Variants in LINGO2 observed in about 807,000 individuals in gnomAD.
The protein encoded by LINGO2 is leucine rich repeat and Ig domain containing 2.
A neutral mutation model predicts 30.6 loss-of-function variants in LINGO2; 14 were observed. The ratio of observed to expected loss-of-function variants is 0.46; its 90% CI spans 0.30 to 0.72. The LOEUF (loss-of-function observed/expected upper bound fraction) is 0.72, where lower values mean the gene tolerates loss of function less well. Among genes scored for constraint, LINGO2 ranks in the 30% least tolerant of loss-of-function variants. The pLI, the probability that LINGO2 is intolerant of heterozygous loss-of-function variation, is 0.07. For synonymous variants in LINGO2, 317 were observed against 288.5 expected, an observed-to-expected ratio of 1.10 and a Z score of -1.00; for missense variants, 729 against 751.7, an observed-to-expected ratio of 0.97 and a Z score of 0.35.
the LINGO2 span, among the ~76,000 whole-genome samples, chr9:28,897,943 G>A: frequency 4.1e-4 from 62 of 152,154 alleles, no homozygotes; most frequent in South Asian, 0.012. Context: ...TGGATCCAAT[G>A]TTAGTATCTT....
rs374102685 is a variant in LINGO2, at chr9:28,557,931, G to A, written c.-364-81906C>T. 5.4e-5 allele frequency among the ~76,000 whole-genome samples: 8 copies of A among 147,330 alleles called. No homozygotes were observed. The South Asian group carries it at 1.3e-3, about 24-fold the overall frequency. Reference sequence around the variant, plus strand: ...AAACACCACGTATTCTCACTCATATGTGGGAATTGAACAATGAGATCACAT... The same window carrying A: ...AAACACCACGTATTCTCACTCATATATGGGAATTGAACAATGAGATCACAT... On this transcript the variant is annotated intron_variant, in intron 1 of 5. Transcript: ENST00000379992.
intron 1 of LINGO2, among the ~76,000 whole-genome samples, chr9:28,510,394 ATGT>A (rs1454486974): frequency 1.3e-5 from 2 of 152,116 alleles, no homozygotes; most frequent in African/African-American, 2.4e-5. Context: ...CTAAAAAAGA[ATGT>A]TATTAAGAAA....
the LINGO2 span, among the ~76,000 whole-genome samples, chr9:28,816,671 G>A: frequency 1.3e-5 from 2 of 152,084 alleles, no homozygotes; most frequent in Admixed American, 1.3e-4. Flanking sequence ...CATAGGAGTT[G>A]CCTGGCAACT....
the LINGO2 span, among the ~76,000 whole-genome samples, chr9:28,984,497 A>G: frequency 2.0e-5 from 3 of 152,198 alleles, no homozygotes; most frequent in South Asian, 4.1e-4. Flanking sequence ...CAATTATTTG[A>G]ATCAGAGGGC....
intron 5 of LINGO2, among the ~76,000 whole-genome samples, chr9:27,971,545 G>A (rs1414035597): frequency 6.6e-6 from 1 of 151,982 alleles, no homozygotes; most frequent in African/African-American, 2.4e-5. Context: ...ACCACGCCTG[G>A]CTAATTTTTT....
chr9:28,687,156 C>G, the LINGO2 span, among the ~76,000 whole-genome samples: 1 of 152,034 alleles, frequency 6.6e-6, no homozygotes, highest in African/African-American at 2.4e-5. Flanking sequence ...ATAGAAAACA[C>G]TAATTTATTC....
intron 4 of LINGO2, among the ~76,000 whole-genome samples, chr9:28,205,291 A>C (rs556521739): frequency 6.6e-6 from 1 of 152,260 alleles, no homozygotes; most frequent in African/African-American, 2.4e-5. Context: ...TCTGACATGT[A>C]CCTGTGTTTT....
chr9:28,757,678 T>A, the LINGO2 span, among the ~76,000 whole-genome samples: 1 of 151,982 alleles, frequency 6.6e-6, no homozygotes, highest in African/African-American at 2.4e-5. Context: ...TAGACAATTC[T>A]GGTACATTTT....
At chr9:28,374,210 T>TATATATATA (rs1554713024) in intron 2 of LINGO2, among the ~76,000 whole-genome samples, 3 of 130,568 alleles carry the variant, frequency 2.3e-5, no homozygotes, top group African/African-American at 8.1e-5. Context: ...ATGTTTTTAT[T>TATATATATA]TATATATATA....
chr9:28,952,281 G>T, the LINGO2 span, among the ~76,000 whole-genome samples: 1 of 151,976 alleles, frequency 6.6e-6, no homozygotes, highest in African/African-American at 2.4e-5. Context: ...AATGGTTAAG[G>T]GTATGTGTTT....
At chr9:28,432,766 G>T (rs972241623) in intron 2 of LINGO2, among the ~76,000 whole-genome samples, 4 of 152,018 alleles carry the variant, frequency 2.6e-5, no homozygotes, top group African/African-American at 4.8e-5. Flanking sequence ...TAAAATACAG[G>T]ATTCTGATGT....
chr9:29,103,275 T>C, the LINGO2 span, among the ~76,000 whole-genome samples: 131 of 145,244 alleles, frequency 9.0e-4, 1 homozygote, highest in Admixed American at 3.5e-3. Context: ...AAAGAACTTC[T>C]ACAGCAGCTA....
chr9:27,981,306 C>T (rs914387126), intron 5 of LINGO2, among the ~76,000 whole-genome samples: 3 of 151,404 alleles, frequency 2.0e-5, no homozygotes, highest in African/African-American at 7.3e-5. Flanking sequence ...ATATTATCTC[C>T]ATTTACAGAT....
intron 4 of LINGO2, among the ~76,000 whole-genome samples, chr9:28,013,389 A>G (rs1443277140): frequency 6.6e-6 from 1 of 152,224 alleles, no homozygotes; most frequent in Admixed American, 6.6e-5. Context: ...GGTAAAAGGA[A>G]TCTGCTTATC....
the LINGO2 span, among the ~76,000 whole-genome samples, chr9:29,192,882 T>C: frequency 2.0e-5 from 3 of 152,142 alleles, no homozygotes; most frequent in Admixed American, 2.0e-4. Context: ...TGAAACCCAG[T>C]CCTTACTGCT....
chr9:28,838,191 G>A, the LINGO2 span, among the ~76,000 whole-genome samples: 1 of 152,044 alleles, frequency 6.6e-6, no homozygotes, highest in Admixed American at 6.6e-5. Context: ...AAAGCTACAT[G>A]ATATTACAAT....
chr9:28,005,197 C>A (rs1428039038), intron 5 of LINGO2, among the ~76,000 whole-genome samples: 4 of 152,162 alleles, frequency 2.6e-5, no homozygotes, highest in African/African-American at 4.8e-5. Context: ...TGAGGTCATA[C>A]CAATCCAGTG....
At chr9:28,587,923 G>C (rs578118345) in intron 1 of LINGO2, among the ~76,000 whole-genome samples, 1 of 152,086 alleles carries the variant, frequency 6.6e-6, no homozygotes, top group South Asian at 2.1e-4. Flanking sequence ...TGTTGAAAGT[G>C]TCCTGTGGAC....
chr9:29,074,803 G>A, the LINGO2 span, among the ~76,000 whole-genome samples: 1 of 149,130 alleles, frequency 6.7e-6, no homozygotes, highest in Non-Finnish European at 1.5e-5. Context: ...GAGTAGCTGG[G>A]ACTATAGGCA....
Sources: allele counts gnomAD v4.1 joint callset (sites outside exome capture counted in the v4.1 genomes callset), GRCh38; gene constraint gnomAD v4.1.1; transcripts MANE v1.5; gene names NCBI Gene and HGNC (gene_info 2026-07-23, HGNC 2026-07-21).